SVEP1: variants seen among roughly 807,000 people sequenced by gnomAD.
The protein encoded by SVEP1 is sushi, von Willebrand factor type A, EGF and pentraxin domain containing 1.
Under a neutral mutation model 367.3 loss-of-function variants are expected in SVEP1, and 164 were observed. That is an observed-to-expected ratio of 0.45 (90% CI 0.39 to 0.51). The LOEUF (loss-of-function observed/expected upper bound fraction) is 0.51, where lower values mean the gene tolerates loss of function less well. Among genes scored for constraint, SVEP1 ranks in the 20% least tolerant of loss-of-function variants. The pLI is 0.00. For synonymous variants in SVEP1, 1,666 were observed against 1,611.6 expected, an observed-to-expected ratio of 1.03 and a Z score of -0.81; for missense variants, 4,117 against 4,425.3, an observed-to-expected ratio of 0.93 and a Z score of 1.98.
At chr9:110,564,073 G>T (rs1313061345) in intron 1 of SVEP1, among the ~76,000 whole-genome samples, 2 of 152,178 alleles carry the variant, frequency 1.3e-5, no homozygotes, top group Non-Finnish European at 2.9e-5. Flanking sequence ...GGTCCTCAGT[G>T]AAAGTGGCTG....
chr9:110,434,472 C>G lies in SVEP1; in HGVS notation c.4923G>C (p.Leu1641=). The change falls in exon 30 of 48, where the codon CTG becomes CTC. Residue 1641 remains leucine (L), a synonymous_variant. Coordinates refer to ENST00000374469, the MANE Select transcript of SVEP1 (RefSeq NM_153366.4). ...GCTTTAAATCTTCAGATGCAGTTCT[C>G]AGATGAGGCACTGACCCTCCTAAGC... ...CPRLGGSVPH[L]RTASEDLKPG... 6.2e-7 allele frequency: 1 copy of G among 1,613,376 alleles called. No individual in the cohort carries two copies. The highest frequency in any genetic ancestry group is 8.5e-7 in the Non-Finnish European group (1 of 1,179,712).
At chr9:110,435,184 A>G in intron 29 of SVEP1, 57 bp downstream of exon 29, 1 of 1,588,218 alleles carries the variant, frequency 6.3e-7, no homozygotes, top group Non-Finnish European at 8.6e-7. Context: ...TTCTTTTGCT[A>G]GACAGTCCCA....
At chr9:110,472,553 T>G (rs1005005580) in intron 14 of SVEP1, among the ~76,000 whole-genome samples, 14 of 152,174 alleles carry the variant, frequency 9.2e-5, no homozygotes, top group Admixed American at 5.2e-4. Context: ...GAAAAGTCTC[T>G]ATGGAACTAC....
chr9:110,397,216 C>T (rs1827776541), intron 40 of SVEP1, among the ~76,000 whole-genome samples: 1 of 152,050 alleles, frequency 6.6e-6, no homozygotes, highest in Non-Finnish European at 1.5e-5. Flanking sequence ...TGTAATCCAG[C>T]ATATAAACAG....
At chr9:110,521,716 G>A (rs904624402) in intron 3 of SVEP1, among the ~76,000 whole-genome samples, 1 of 152,134 alleles carries the variant, frequency 6.6e-6, no homozygotes, top group African/African-American at 2.4e-5. Flanking sequence ...GATGAGAAAG[G>A]TGACATCATC....
intron 13 of SVEP1, among the ~76,000 whole-genome samples, chr9:110,476,727 G>A (rs1829101259): frequency 6.6e-6 from 1 of 151,920 alleles, no homozygotes; most frequent in East Asian, 1.9e-4. Flanking sequence ...CTCTCTTTAT[G>A]TTCTCTTCAC....
At chr9:110,441,921 A>C (rs1828515036) in intron 27 of SVEP1, among the ~76,000 whole-genome samples, 1 of 152,108 alleles carries the variant, frequency 6.6e-6, no homozygotes, top group Non-Finnish European at 1.5e-5. Context: ...TGAAAACCTC[A>C]ATCCTTAACC....
intron 11 of SVEP1, among the ~76,000 whole-genome samples, chr9:110,482,142 A>G (rs1829200758): frequency 6.6e-6 from 1 of 152,230 alleles, no homozygotes; most frequent in Non-Finnish European, 1.5e-5. Flanking sequence ...CCTTAGAGAA[A>G]ATGTTAACAA....
rs776241314 is a variant in SVEP1 at position 110,411,122 on chromosome 9, G to A, written c.6589C>T (p.Pro2197Ser). 1.1e-5 allele frequency: 17 copies of A among 1,613,188 alleles called. 1 individual carries two copies. The African/African-American group carries it at 1.3e-4, about 13-fold the overall frequency. ...CCACAAGATACCGGGTGGCACGTCG[G>A]TATAGGACTACTCCACTGCCCTGTG... The part of the protein sequence containing the change: ...EATGQWSSPI[P>S]TCHPVSCGEP... The change falls in exon 37 of 48, where the codon CCG becomes TCG. Residue 2197 changes from proline to serine, a missense_variant. This residue lies in a region of SVEP1 where 1,765 missense variants were observed against 1,781.1 expected (regional missense o/e 0.99). Transcript: ENST00000374469.
At chr9:110,489,252 C>A (rs536947363) in intron 9 of SVEP1, among the ~76,000 whole-genome samples, 9 of 152,056 alleles carry the variant, frequency 5.9e-5, no homozygotes, top group Non-Finnish European at 1.2e-4. Flanking sequence ...CTTTCATAAA[C>A]CTGCCCAAAT....
chr9:110,451,968 CCAAGGA>C, intron 22 of SVEP1, among the ~76,000 whole-genome samples: 1 of 152,180 alleles, frequency 6.6e-6, no homozygotes, highest in East Asian at 1.9e-4. Flanking sequence ...TGTGACATTG[CCAAGGA>C]CAGGCACAGA....
At chr9:110,498,143 T>C (rs964785417) in intron 7 of SVEP1, among the ~76,000 whole-genome samples, 1 of 152,248 alleles carries the variant, frequency 6.6e-6, no homozygotes, top group African/African-American at 2.4e-5. Context: ...TTCTTGTTTC[T>C]TTTGTGCAAT....
intron 40 of SVEP1, among the ~76,000 whole-genome samples, chr9:110,396,905 A>T (rs1476946188): frequency 6.6e-6 from 1 of 152,186 alleles, no homozygotes; most frequent in Non-Finnish European, 1.5e-5. Context: ...GCCAAATTCT[A>T]CCAGAGGTAC....
At chr9:110,377,619 T>G (rs1014122907) in intron 44 of SVEP1, among the ~76,000 whole-genome samples, 1 of 152,244 alleles carries the variant, frequency 6.6e-6, no homozygotes, top group Non-Finnish European at 1.5e-5. Flanking sequence ...TTTTACAACC[T>G]GATGTTTTGA....
At chr9:110,572,816 A>AAAAAAAAAAC (rs1830582107) in intron 1 of SVEP1, among the ~76,000 whole-genome samples, 1 of 138,204 alleles carries the variant, frequency 7.2e-6, no homozygotes, top group Non-Finnish European at 1.6e-5. Flanking sequence ...AAAAAAAAAA[A>AAAAAAAAAAC]TGAGTACTAC....
intron 26 of SVEP1, 69 bp from the exon 27 acceptor site, chr9:110,443,789 C>A: frequency 1.5e-6 from 2 of 1,322,578 alleles, no homozygotes; most frequent in Non-Finnish European, 2.0e-6. Context: ...GTGGGGCATG[C>A]TACAATTTTT....
At position 110,512,933 on chromosome 9, in the gene SVEP1, G is replaced by A; in HGVS notation, c.1296C>T (p.Tyr432=). The A allele has an allele frequency of 6.2e-7, 1 of 1,614,004 alleles. No homozygotes were observed. Among genetic ancestry groups the A allele is most frequent in the Non-Finnish European group, 8.5e-7 (1 of 1,179,878 alleles). Residue 432 remains tyrosine (Y), a synonymous_variant, in exon 5 of 48, where the codon TAC becomes TAT. Coordinates refer to ENST00000374469, the MANE Select transcript of SVEP1 (RefSeq NM_153366.4). The stretch of plus-strand genomic sequence containing the variant: ...AATTGGCAGTTTGCATACCTCTGCA[G>A]TAGCTCTCTGAACCGGACCACAAAC... ...PNGLWSGSES[Y]CRVRTCPHLR...
At chr9:110,492,773 T>G (rs1588079477) in intron 8 of SVEP1, among the ~76,000 whole-genome samples, 2 of 151,588 alleles carry the variant, frequency 1.3e-5, no homozygotes, top group Admixed American at 6.6e-5. Flanking sequence ...GGGAAGGGGG[T>G]GCCTACAGAA....
At chr9:110,480,557 T>C (rs372435220) in intron 12 of SVEP1, among the ~76,000 whole-genome samples, 1 of 152,202 alleles carries the variant, frequency 6.6e-6, no homozygotes, top group African/African-American at 2.4e-5. Flanking sequence ...GAAGAGACTA[T>C]GATTGATGTA....
Sources: gnomAD v4.1 joint callset for allele counts (sites outside exome capture counted in the v4.1 genomes callset) on GRCh38, gnomAD v4.1.1 for gene constraint, gnomAD v4.1.1 regional missense constraint, MANE v1.5 for transcripts, NCBI Gene and HGNC (gene_info 2026-07-23, HGNC 2026-07-21) for gene names.